Variants in TMEM132B observed in about 807,000 individuals in gnomAD.
TMEM132B encodes transmembrane protein 132B.
In TMEM132B, 18 loss-of-function variants were observed where a neutral mutation model predicts 90.8. The observed-to-expected ratio is 0.20, with a 90% confidence interval of 0.14 to 0.29. The LOEUF is 0.29. Among genes scored for constraint, TMEM132B ranks in the 10% least tolerant of loss-of-function variants. The probability of loss-of-function intolerance (pLI) is 1.00; values close to 1 mark genes in which losing one functional copy is unlikely to be tolerated. For missense variants in TMEM132B, 1,096 were observed against 1,326.8 expected, an observed-to-expected ratio of 0.83 and a Z score of 2.70; for synonymous variants, 504 against 523.3, an observed-to-expected ratio of 0.96 and a Z score of 0.50.
chr12:125,515,769 C>T lies in TMEM132B; in HGVS notation c.1107-3670C>T, dbSNP rs556239999. On this transcript the variant is annotated intron_variant, in intron 3 of 8. Coordinates refer to ENST00000682704, the MANE Select transcript of TMEM132B (RefSeq NM_001366854.1). ...TCACACATATTCACACATTCTCACA[C>T]ACATTTGCACATCTCTTTCACATTC... Among the ~76,000 whole-genome samples, 5 of 152,128 alleles carry T rather than the reference C, an allele frequency of 3.3e-5. No individual in the cohort carries two copies. The South Asian group carries it at 1.0e-3, about 32-fold the overall frequency.
At chr12:125,536,040 G>A (rs550865689) in intron 4 of TMEM132B, among the ~76,000 whole-genome samples, 1 of 152,312 alleles carries the variant, frequency 6.6e-6, no homozygotes, top group African/African-American at 2.4e-5. Context: ...CTGCAGGGAG[G>A]TGGGTTGCAT....
chr12:125,354,449 T>C (rs573572783), intron 2 of TMEM132B, among the ~76,000 whole-genome samples: 92 of 152,358 alleles, frequency 6.0e-4, no homozygotes, highest in African/African-American at 2.1e-3. Flanking sequence ...ATAAACTGTC[T>C]AATTCACCCC....
intron 1 of TMEM132B, among the ~76,000 whole-genome samples, chr12:125,193,794 A>T (rs1872856215): frequency 6.6e-6 from 1 of 152,266 alleles, no homozygotes; most frequent in Admixed American, 6.5e-5. Flanking sequence ...CAAAAGAGAC[A>T]AATCCCACAC....
rs374135774 is a variant in TMEM132B at position 125,387,766 on chromosome 12, T to C, written c.960-27765T>C. Among the ~76,000 whole-genome samples the C allele has an allele frequency of 3.9e-5, 6 of 152,332 alleles. No individual in the cohort carries two copies. The East Asian group carries it at 9.6e-4, about 24-fold the overall frequency. ...AGATGGATAAACATCTGTCTCCATCTTCCATCCTCCTGTTTATTAATTTAT... is the reference window on the plus strand; with the variant it reads ...AGATGGATAAACATCTGTCTCCATCCTCCATCCTCCTGTTTATTAATTTAT... On this transcript the variant is annotated intron_variant, in intron 2 of 8. Transcript: ENST00000682704.
rs191832412 is a variant in TMEM132B, at chr12:125,631,039, T to C, written c.1438-13037T>C. Among the ~76,000 whole-genome samples, 300 of 152,270 alleles carry C rather than the reference T, an allele frequency of 2.0e-3. 1 individual carries two copies. The highest frequency in any genetic ancestry group is 3.6e-3 in the Non-Finnish European group (247 of 67,990). ...TGTTCTCTACTAACTTTGGGTTTGGTTTGCTGTTGCTTTTCTAGTTCTTTA... is the reference window on the plus strand; with the variant it reads ...TGTTCTCTACTAACTTTGGGTTTGGCTTGCTGTTGCTTTTCTAGTTCTTTA... On this transcript the variant is annotated intron_variant, in intron 5 of 8. Transcript: ENST00000682704.
chr12:125,310,830 G>A (rs1021707566), intron 1 of TMEM132B, among the ~76,000 whole-genome samples: 1 of 152,186 alleles, frequency 6.6e-6, no homozygotes, highest in Non-Finnish European at 1.5e-5. Context: ...ATCTGCTAAC[G>A]GGTGTGTCGA....
At chr12:125,265,381 A>G (rs947329654) in intron 1 of TMEM132B, among the ~76,000 whole-genome samples, 2 of 152,220 alleles carry the variant, frequency 1.3e-5, no homozygotes, top group Admixed American at 1.3e-4. Context: ...ATGAATGACA[A>G]TAACAAAATA....
Position 125,650,624 on chromosome 12 carries a change from G to A in TMEM132B, c.1644-59G>A, listed in dbSNP as rs1886880376. On this transcript the variant is annotated intron_variant, in intron 6 of 8. Coordinates refer to ENST00000682704, the MANE Select transcript of TMEM132B (RefSeq NM_001366854.1). Reference sequence around the variant, plus strand: ...GCTCACCTAGAATCTGAAAAACAAGGGCATGCAGAACTTCTTAACAATGAA... The same window carrying A: ...GCTCACCTAGAATCTGAAAAACAAGAGCATGCAGAACTTCTTAACAATGAA... 1.1e-5 allele frequency: 17 copies of A among 1,568,722 alleles called. No individual in the cohort carries two copies. The South Asian group carries it at 1.5e-4, about 14-fold the overall frequency.
chr12:125,487,516 C>T (rs374665970), intron 3 of TMEM132B, among the ~76,000 whole-genome samples: 1 of 152,194 alleles, frequency 6.6e-6, no homozygotes, highest in Non-Finnish European at 1.5e-5. Flanking sequence ...CACTTCTGTC[C>T]TATGTCTATG....
intron 3 of TMEM132B, among the ~76,000 whole-genome samples, chr12:125,432,511 G>A (rs200179254): frequency 0.028 from 512 of 18,360 alleles, 32 homozygotes; most frequent in East Asian, 0.14. Flanking sequence ...ATGTGTGTGT[G>A]TATATATATA....
chr12:125,329,741 C>A (rs1006301396), intron 1 of TMEM132B, among the ~76,000 whole-genome samples: 1 of 152,200 alleles, frequency 6.6e-6, no homozygotes, highest in African/African-American at 2.4e-5. Flanking sequence ...AGTGTTCCCC[C>A]AGCCCCGGCC....
chr12:125,487,033 A>T (rs974744436), intron 3 of TMEM132B, among the ~76,000 whole-genome samples: 4 of 152,142 alleles, frequency 2.6e-5, no homozygotes, highest in African/African-American at 9.7e-5. Flanking sequence ...GCTACCTTTG[A>T]CTGTGGAAGC....
chr12:125,287,287 C>G (rs1033844477), intron 1 of TMEM132B, among the ~76,000 whole-genome samples: 1 of 152,132 alleles, frequency 6.6e-6, no homozygotes, highest in Admixed American at 6.5e-5. Context: ...AGGATCATCT[C>G]CCATCTCAAG....
chr12:125,631,216 A>G (rs528439796), intron 5 of TMEM132B, among the ~76,000 whole-genome samples: 3 of 151,954 alleles, frequency 2.0e-5, no homozygotes, highest in Middle Eastern at 3.4e-3. Flanking sequence ...GAAATTTTTC[A>G]ATTTTTTTTC....
rs188892342 is a variant in TMEM132B at position 125,433,803 on chromosome 12, T to C, written c.1106+18126T>C. ...TGCAGCCATAAAAAATGATATTTTG[T>C]ATTTTCTATCTTCTGCCTACGCCGA... On this transcript the variant is annotated intron_variant, in intron 3 of 8. Transcript: ENST00000682704. 7.7e-3 allele frequency among the ~76,000 whole-genome samples: 1,179 copies of C among 152,150 alleles called. 8 individuals carry two copies. The highest frequency in any genetic ancestry group is 0.015 in the African/African-American group (611 of 41,532).
intron 1 of TMEM132B, among the ~76,000 whole-genome samples, chr12:125,295,520 G>GAGAGAC (rs1875648544): frequency 6.8e-6 from 1 of 146,202 alleles, no homozygotes; most frequent in Non-Finnish European, 1.5e-5. Flanking sequence ...GTGTGTGAGA[G>GAGAGAC]AGAGAGAGAG....
intron 2 of TMEM132B, among the ~76,000 whole-genome samples, chr12:125,374,359 G>A (rs1466138204): frequency 6.6e-6 from 1 of 152,144 alleles, no homozygotes; most frequent in Non-Finnish European, 1.5e-5. Context: ...GTGGGCACAG[G>A]GAATTCTAAA....
At chr12:125,241,034 T>C (rs1874053637) in intron 1 of TMEM132B, among the ~76,000 whole-genome samples, 1 of 152,234 alleles carries the variant, frequency 6.6e-6, no homozygotes, top group South Asian at 2.1e-4. Context: ...ACAACGATTC[T>C]TAACCCATTT....
intron 2 of TMEM132B, among the ~76,000 whole-genome samples, chr12:125,355,425 C>T (rs148764983): frequency 7.6e-4 from 115 of 152,176 alleles, no homozygotes; most frequent in African/African-American, 2.7e-3. Flanking sequence ...TTGGCTTTCT[C>T]TGGTTGGCCC....
Sources: gnomAD v4.1 joint callset for allele counts (sites outside exome capture counted in the v4.1 genomes callset) on GRCh38, gnomAD v4.1.1 for gene constraint, MANE v1.5 for transcripts, NCBI Gene and HGNC (gene_info 2026-07-23, HGNC 2026-07-21) for gene names.